The following AHCYL2 variants were observed in gnomAD, a reference collection of about 807,000 sequenced individuals.
AHCYL2 encodes the protein adenosylhomocysteinase like 2.
AHCYL2 carries 28 observed loss-of-function variants against 81.4 expected under a neutral mutation model. The observed-to-expected ratio is 0.34, with a 90% CI of 0.25 to 0.47. The LOEUF is 0.47. AHCYL2 is among the 20% of genes least tolerant of loss of function. The probability of loss-of-function intolerance (pLI) is 1.00; values close to 1 mark genes in which losing one functional copy is unlikely to be tolerated. For synonymous variants in AHCYL2, 272 were observed against 290.2 expected (o/e 0.94, Z 0.64); for missense variants, 551 against 785.1 (o/e 0.70, Z 3.56).
At chr7:129,231,140 G>A (rs1440717533) in intron 1 of AHCYL2, among the ~76,000 whole-genome samples, 2 of 151,986 alleles carry the variant, frequency 1.3e-5, no homozygotes, top group African/African-American at 4.8e-5. Context: ...GCTGAGGCAG[G>A]AGAATCACTT....
At chr7:129,376,109 A>G (rs1163845063) in intron 1 of AHCYL2, among the ~76,000 whole-genome samples, 1 of 152,112 alleles carries the variant, frequency 6.6e-6, no homozygotes, top group Non-Finnish European at 1.5e-5. Flanking sequence ...GGAATTAGGC[A>G]GTTCTCTCTC....
chr7:129,290,492 C>G (rs1796804585), intron 1 of AHCYL2, among the ~76,000 whole-genome samples: 1 of 143,538 alleles, frequency 7.0e-6, no homozygotes, highest in African/African-American at 2.6e-5. Context: ...CAGAGTGAGA[C>G]TCTGTCTCAA....
chr7:129,229,061 CTTTTTTT>C (rs59291148), intron 1 of AHCYL2, among the ~76,000 whole-genome samples: 1 of 144,758 alleles, frequency 6.9e-6, no homozygotes, highest in African/African-American at 2.6e-5. Context: ...AATAATTAGC[CTTTTTTT>C]TTTTTTTTTT....
intron 13 of AHCYL2, 115 bp downstream of exon 13, chr7:129,423,053 A>T: frequency 2.7e-6 from 2 of 743,048 alleles, no homozygotes; most frequent in Non-Finnish European, 2.1e-6. Flanking sequence ...CACAAGTTTG[A>T]CTACTTTCCC....
intron 2 of AHCYL2, among the ~76,000 whole-genome samples, chr7:129,383,147 T>C (rs1257329117): frequency 6.6e-6 from 1 of 152,088 alleles, no homozygotes; most frequent in Non-Finnish European, 1.5e-5. Context: ...GAATGTTTTA[T>C]AGATATCTCT....
At position 129,429,346 on chromosome 7, in the gene AHCYL2, C is replaced by T. The variant is rs977887623; in HGVS notation, c.*2301C>T. 2.6e-5 allele frequency: 4 copies of T among 152,156 alleles called. No homozygotes were observed. The highest frequency in any genetic ancestry group is 9.7e-5 in the African/African-American group (4 of 41,424). The allele number at this position is 152,156 out of a possible 1,614,324, so 9.4% of individuals were successfully genotyped here. A position where few individuals can be genotyped will look rare whatever the true frequency, so the allele number is the denominator to read the frequency against. On this transcript the variant is annotated 3_prime_UTR_variant, in exon 17 of 17. Coordinates refer to ENST00000325006, the MANE Select transcript of AHCYL2 (RefSeq NM_015328.4). The stretch of plus-strand genomic sequence containing the variant: ...TTAGGGTTGAAATCTGGTCATTATT[C>T]CCTCTACCCTTGGAATCAGAGCAAT...
chr7:129,334,491 G>T (rs762691809), intron 1 of AHCYL2, among the ~76,000 whole-genome samples: 3 of 152,158 alleles, frequency 2.0e-5, no homozygotes, highest in Admixed American at 2.0e-4. Context: ...ACTGTCGACA[G>T]ACGATAGCAG....
chr7:129,412,804 T>C (rs1796652953), intron 11 of AHCYL2, among the ~76,000 whole-genome samples: 2 of 152,200 alleles, frequency 1.3e-5, no homozygotes, highest in Admixed American at 1.3e-4. Context: ...TGGCCATTTG[T>C]ACATCTTCTC....
At chr7:129,349,186 GT>G (rs1793463968) in intron 1 of AHCYL2, among the ~76,000 whole-genome samples, 1 of 152,098 alleles carries the variant, frequency 6.6e-6, no homozygotes, top group African/African-American at 2.4e-5. Context: ...TCTTGAAAAT[GT>G]TTTGATTCTA....
intron 2 of AHCYL2, among the ~76,000 whole-genome samples, chr7:129,383,763 C>G (rs1584860154): frequency 6.6e-6 from 1 of 152,136 alleles, no homozygotes; most frequent in African/African-American, 2.4e-5. Flanking sequence ...ACACGCCATG[C>G]ACTCTCCTGC....
chr7:129,362,799 C>T (rs1259919360), intron 1 of AHCYL2, among the ~76,000 whole-genome samples: 2 of 151,976 alleles, frequency 1.3e-5, no homozygotes, highest in Non-Finnish European at 1.5e-5. Context: ...GAAAAGAAGA[C>T]AGGGTCACAT....
intron 1 of AHCYL2, among the ~76,000 whole-genome samples, chr7:129,227,136 A>G (rs1002977464): frequency 2.0e-5 from 3 of 152,224 alleles, no homozygotes; most frequent in Non-Finnish European, 4.4e-5. Context: ...AAATGAAAGT[A>G]CTAATTATGA....
At chr7:129,402,873 G>A (rs1418468038) in intron 6 of AHCYL2, among the ~76,000 whole-genome samples, 1 of 152,168 alleles carries the variant, frequency 6.6e-6, no homozygotes, top group Non-Finnish European at 1.5e-5. Context: ...AAGGAATACA[G>A]TTTTATAAAC....
chr7:129,307,149 G>A (rs1194224959), intron 1 of AHCYL2, among the ~76,000 whole-genome samples: 3 of 152,116 alleles, frequency 2.0e-5, no homozygotes, highest in Admixed American at 1.3e-4. Flanking sequence ...ACAGTCAGCA[G>A]GTAGTGAAGC....
At chr7:129,372,686 C>T (rs1327610090) in intron 1 of AHCYL2, among the ~76,000 whole-genome samples, 1 of 152,044 alleles carries the variant, frequency 6.6e-6, no homozygotes, top group Non-Finnish European at 1.5e-5. Context: ...GGTTGGTGTG[C>T]TCCTGTAATC....
At chr7:129,255,922 C>G (rs1795403052) in intron 1 of AHCYL2, among the ~76,000 whole-genome samples, 1 of 151,950 alleles carries the variant, frequency 6.6e-6, no homozygotes, top group African/African-American at 2.4e-5. Flanking sequence ...TGAGATTGCA[C>G]CATTACACTC....
chr7:129,294,732 C>T (rs10249742), intron 1 of AHCYL2, among the ~76,000 whole-genome samples: 3,584 of 152,144 alleles, frequency 0.024, 142 homozygotes, highest in African/African-American at 0.083. Context: ...GATTAGTAGA[C>T]GTGTTAAGGA....
chr7:129,238,291 C>A (rs148321095), intron 1 of AHCYL2, among the ~76,000 whole-genome samples: 38 of 152,242 alleles, frequency 2.5e-4, no homozygotes, highest in African/African-American at 8.4e-4. Context: ...TACCTTAATT[C>A]ATGTCTTTCA....
At chr7:129,353,558 A>G (rs928343589) in intron 1 of AHCYL2, among the ~76,000 whole-genome samples, 7 of 150,912 alleles carry the variant, frequency 4.6e-5, no homozygotes, top group African/African-American at 1.5e-4. Context: ...TCATCTATCT[A>G]TTTACTTAAT....
Sources: allele counts gnomAD v4.1 joint callset (sites outside exome capture counted in the v4.1 genomes callset), GRCh38; gene constraint gnomAD v4.1.1; transcripts MANE v1.5; gene names NCBI Gene and HGNC (gene_info 2026-07-23, HGNC 2026-07-21).